MIPOL1: variants seen among roughly 807,000 people sequenced by gnomAD.
MIPOL1 encodes the protein mirror-image polydactyly 1, also known as mirror-image polydactyly gene 1 protein.
In MIPOL1, 57 loss-of-function variants were observed where a neutral mutation model predicts 60.9. The observed-to-expected ratio is 0.94, with a 90% CI of 0.76 to 1.17. MIPOL1 has a LOEUF of 1.17. MIPOL1 is among the 50% of genes most tolerant of loss of function. MIPOL1 has a pLI of 0.00. For missense variants in MIPOL1, 551 were observed against 511.6 expected (o/e 1.08, Z -0.74); for synonymous variants, 179 against 168.8 (o/e 1.06, Z -0.47).
intron 11 of MIPOL1, among the ~76,000 whole-genome samples, chr14:37,429,041 G>C (rs569509487): frequency 7.9e-5 from 12 of 152,236 alleles, no homozygotes; most frequent in Admixed American, 2.6e-4. Context: ...GATTGCTATA[G>C]CAAATGCTAA....
chr14:37,546,567 A>G (rs1055281701), intron 12 of MIPOL1, among the ~76,000 whole-genome samples: 2 of 152,176 alleles, frequency 1.3e-5, no homozygotes, highest in African/African-American at 4.8e-5. Context: ...TTTATTCTAC[A>G]TTTAATATGT....
chr14:37,247,830 T>A lies in MIPOL1; in HGVS notation c.-59T>A. On this transcript the variant is annotated splice_region_variant and 5_prime_UTR_variant, in exon 3 of 13. Coordinates refer to ENST00000684589, the MANE Select transcript of MIPOL1 (RefSeq NM_001388067.1). ...TATCTAGAGTTGGCTTTATTTTAGC[T>A]GCAAATCTTGGAGCAAAAACCAGAG... is the stretch of plus-strand genomic sequence containing the variant. 1.3e-6 allele frequency: 2 copies of A among 1,597,102 alleles called. No individual in the cohort carries two copies. The highest frequency in any genetic ancestry group is 1.7e-6 in the Non-Finnish European group (2 of 1,166,796).
intron 11 of MIPOL1, among the ~76,000 whole-genome samples, chr14:37,467,674 C>T (rs1235498643): frequency 6.6e-6 from 1 of 152,132 alleles, no homozygotes; most frequent in Non-Finnish European, 1.5e-5. Flanking sequence ...GTGAGCAGGT[C>T]TTAAGAAACA....
chr14:37,342,059 A>G (rs576399601), intron 9 of MIPOL1, among the ~76,000 whole-genome samples: 17 of 152,276 alleles, frequency 1.1e-4, no homozygotes, highest in South Asian at 6.2e-4. Context: ...TTGATTGACT[A>G]TCATAAATAA....
intron 11 of MIPOL1, among the ~76,000 whole-genome samples, chr14:37,453,979 A>T (rs2094450132): frequency 6.6e-6 from 1 of 152,184 alleles, no homozygotes; most frequent in Admixed American, 6.5e-5. Flanking sequence ...CATGTGTGCG[A>T]TTTAAATAAT....
chr14:37,298,964 C>G (rs925145130), intron 7 of MIPOL1, among the ~76,000 whole-genome samples: 5 of 150,342 alleles, frequency 3.3e-5, no homozygotes, highest in African/African-American at 1.2e-4. Context: ...ACCCAAAGGA[C>G]TATAAATCAT....
intron 9 of MIPOL1, among the ~76,000 whole-genome samples, chr14:37,333,971 A>T (rs557301985): frequency 1.2e-5 from 1 of 84,764 alleles, no homozygotes; most frequent in African/African-American, 4.3e-5. Context: ...AAATTTGAAG[A>T]TTGAATTTAT....
chr14:37,483,222 C>G (rs1336668957), intron 11 of MIPOL1, among the ~76,000 whole-genome samples: 2 of 151,322 alleles, frequency 1.3e-5, no homozygotes, highest in Admixed American at 1.3e-4. Flanking sequence ...AAGCGATTCT[C>G]CTGTCTCAGC....
chr14:37,470,720 G>A (rs1272772263), intron 11 of MIPOL1, among the ~76,000 whole-genome samples: 1 of 152,082 alleles, frequency 6.6e-6, no homozygotes, highest in Non-Finnish European at 1.5e-5. Context: ...TCAGGAGAGA[G>A]TAGGTAGAAT....
intron 11 of MIPOL1, among the ~76,000 whole-genome samples, chr14:37,491,333 A>G (rs113618216): frequency 0.018 from 2,742 of 152,304 alleles, 80 homozygotes; most frequent in African/African-American, 0.061. Flanking sequence ...GATCAAGATC[A>G]TCTTGTGCAA....
At position 37,361,624 on chromosome 14, in the gene MIPOL1, T is replaced by C. The variant is rs2092255394; in HGVS notation, c.829-7893T>C. ...TCCCTCTCTCTCTTTTTTTTTTTTTTTTTTTTTTTTTTTGCCTCTCTCGCA... is the reference window on the plus strand; with the variant it reads ...TCCCTCTCTCTCTTTTTTTTTTTTTCTTTTTTTTTTTTTGCCTCTCTCGCA... On this transcript the variant is annotated intron_variant, in intron 9 of 12. Transcript: ENST00000684589. 5.1e-5 allele frequency among the ~76,000 whole-genome samples: 7 copies of C among 137,288 alleles called. No homozygotes were observed. The East Asian group carries it at 9.3e-4, about 18-fold the overall frequency. 90.1% of individuals were successfully genotyped at this position (137,288 alleles called of 152,430 possible). A position where few individuals can be genotyped will look rare whatever the true frequency, so the allele number is the denominator to read the frequency against.
chr14:37,423,482 G>A (rs1290405407), intron 11 of MIPOL1: 1 of 151,718 alleles, frequency 6.6e-6, no homozygotes, highest in Non-Finnish European at 1.5e-5. Context: ...GAATAGAAAT[G>A]TCAGAATGCA....
intron 11 of MIPOL1, among the ~76,000 whole-genome samples, chr14:37,446,068 C>G (rs1473891306): frequency 1.3e-5 from 2 of 152,132 alleles, no homozygotes; most frequent in African/African-American, 2.4e-5. Flanking sequence ...CCAAAATTGA[C>G]AAATGGGATC....
At chr14:37,373,380 A>G (rs1158251631) in intron 10 of MIPOL1, among the ~76,000 whole-genome samples, 8 of 151,960 alleles carry the variant, frequency 5.3e-5, no homozygotes, top group African/African-American at 1.9e-4. Context: ...GAAAATTCAT[A>G]TATATTGCCT....
chr14:37,515,365 C>CA (rs149514188), intron 12 of MIPOL1, among the ~76,000 whole-genome samples: 156 of 148,322 alleles, frequency 1.1e-3, no homozygotes, highest in African/African-American at 2.5e-3. Flanking sequence ...CCAAAAGTGA[C>CA]AAAAAAAAAG....
At chr14:37,261,261 T>C (rs1235407427) in intron 3 of MIPOL1, among the ~76,000 whole-genome samples, 2 of 151,576 alleles carry the variant, frequency 1.3e-5, no homozygotes, top group East Asian at 1.9e-4. Context: ...AGAATAAGAT[T>C]ATTTGGGCCA....
intron 7 of MIPOL1, among the ~76,000 whole-genome samples, chr14:37,297,997 A>G (rs1477341719): frequency 2.0e-5 from 3 of 152,216 alleles, no homozygotes; most frequent in South Asian, 2.1e-4. Flanking sequence ...CGCCAAGTCA[A>G]TCCTAAGCCA....
At chr14:37,535,026 A>G (rs1156344795) in intron 12 of MIPOL1, among the ~76,000 whole-genome samples, 1 of 152,212 alleles carries the variant, frequency 6.6e-6, no homozygotes, top group Non-Finnish European at 1.5e-5. Flanking sequence ...GATACTATAA[A>G]GAAGGAAATA....
rs1465347030 is a variant in MIPOL1, at chr14:37,377,534, A to G, written c.936+7910A>G. ...TTGGGGGGCAAGATAAAATAGCCCT[A>G]TATTTTAAATCATTCTTTATGGTTT... On this transcript the variant is annotated intron_variant, in intron 10 of 12. Transcript: ENST00000684589. Among the ~76,000 whole-genome samples, 4 of 152,090 alleles carry G rather than the reference A, an allele frequency of 2.6e-5. No individual in the cohort carries two copies. In the East Asian group the frequency reaches 7.7e-4, roughly 29 times the overall value.
Sources: gnomAD v4.1 joint callset for allele counts (sites outside exome capture counted in the v4.1 genomes callset) on GRCh38, gnomAD v4.1.1 for gene constraint, MANE v1.5 for transcripts, NCBI Gene and HGNC (gene_info 2026-07-23, HGNC 2026-07-21) for gene names.